SLC4A10: variants seen among roughly 807,000 people sequenced by gnomAD.
SLC4A10 encodes the protein sodium-driven chloride bicarbonate exchanger.
A neutral mutation model predicts 137.7 loss-of-function variants in SLC4A10; 42 were observed. The ratio of observed to expected loss-of-function variants is 0.30; its 90% confidence interval spans 0.24 to 0.39. The LOEUF is 0.39. Among genes scored for constraint, SLC4A10 ranks in the 10% least tolerant of loss-of-function variants. The pLI, the probability that SLC4A10 is intolerant of heterozygous loss-of-function variation, is 1.00. For synonymous variants in SLC4A10, 474 were observed against 464.1 expected, an observed-to-expected ratio of 1.02 and a Z score of -0.27; for missense variants, 925 against 1,355.0, an observed-to-expected ratio of 0.68 and a Z score of 4.98.
chr2:161,935,779 C>T (rs1433199840), intron 15 of SLC4A10, among the ~76,000 whole-genome samples: 2 of 151,912 alleles, frequency 1.3e-5, no homozygotes, highest in African/African-American at 2.4e-5. Flanking sequence ...CCTTTTATTT[C>T]TTTCTTTTGC....
chr2:161,850,637 T>C (rs1430252621), intron 4 of SLC4A10, among the ~76,000 whole-genome samples: 1 of 152,082 alleles, frequency 6.6e-6, no homozygotes, highest in East Asian at 1.9e-4. Flanking sequence ...TATATCAATG[T>C]TATTTATTCT....
intron 1 of SLC4A10, among the ~76,000 whole-genome samples, chr2:161,642,534 T>C (rs2035453985): frequency 6.6e-6 from 1 of 152,044 alleles, no homozygotes; most frequent in East Asian, 1.9e-4. Context: ...AAAATGCAAT[T>C]GAAATTTAGA....
At chr2:161,870,747 A>G (rs894830971) in intron 6 of SLC4A10, among the ~76,000 whole-genome samples, 1 of 151,874 alleles carries the variant, frequency 6.6e-6, no homozygotes, top group African/African-American at 2.4e-5. Context: ...GGAGAATGAG[A>G]ATAATTTATG....
chr2:161,728,052 A>G (rs1236539729), intron 1 of SLC4A10, among the ~76,000 whole-genome samples: 2 of 152,318 alleles, frequency 1.3e-5, no homozygotes, highest in East Asian at 1.9e-4. Context: ...CAAATTACCA[A>G]TATCAGGAAT....
At chr2:161,649,630 CTGTT>C (rs1035901694) in intron 1 of SLC4A10, among the ~76,000 whole-genome samples, 14 of 151,300 alleles carry the variant, frequency 9.3e-5, no homozygotes, top group Non-Finnish European at 1.3e-4. Flanking sequence ...TTTATTTTGC[CTGTT>C]TATTTGTGGA....
At chr2:161,917,117 A>G (rs1020380813) in intron 15 of SLC4A10, among the ~76,000 whole-genome samples, 2 of 152,220 alleles carry the variant, frequency 1.3e-5, no homozygotes, top group Admixed American at 1.3e-4. Context: ...AATTTTACAT[A>G]AATGGAACCA....
chr2:161,889,048 GT>G (rs1337578151), intron 10 of SLC4A10, among the ~76,000 whole-genome samples: 1 of 152,160 alleles, frequency 6.6e-6, no homozygotes, highest in African/African-American at 2.4e-5. Context: ...TAATCATGTG[GT>G]TTTTGTCATT....
chr2:161,858,152 GT>G (rs2060208664), intron 5 of SLC4A10, among the ~76,000 whole-genome samples: 1 of 152,086 alleles, frequency 6.6e-6, no homozygotes, highest in Non-Finnish European at 1.5e-5. Flanking sequence ...ACTAGTTTCA[GT>G]TTTACAAACG....
intron 1 of SLC4A10, among the ~76,000 whole-genome samples, chr2:161,739,156 A>G (rs1252338548): frequency 6.6e-6 from 1 of 152,210 alleles, no homozygotes; most frequent in Non-Finnish European, 1.5e-5. Context: ...AAACAGTAAC[A>G]TCATTATACT....
At chr2:161,928,478 T>C (rs1575685873) in intron 15 of SLC4A10, among the ~76,000 whole-genome samples, 2 of 150,940 alleles carry the variant, frequency 1.3e-5, no homozygotes, top group East Asian at 3.9e-4. Flanking sequence ...CATATGTAAC[T>C]AACCTGCACA....
intron 1 of SLC4A10, among the ~76,000 whole-genome samples, chr2:161,652,514 C>G (rs1247510568): frequency 6.6e-6 from 1 of 152,160 alleles, no homozygotes; most frequent in Non-Finnish European, 1.5e-5. Flanking sequence ...ATATTGACCT[C>G]TTTGAAAATA....
chr2:161,753,659 T>A (rs954898640), intron 1 of SLC4A10, among the ~76,000 whole-genome samples: 4 of 152,206 alleles, frequency 2.6e-5, no homozygotes, highest in African/African-American at 9.6e-5. Flanking sequence ...AATCTTAACG[T>A]TTGATGAAAG....
chr2:161,912,853 T>C (rs1043678189), intron 15 of SLC4A10, among the ~76,000 whole-genome samples: 2 of 152,152 alleles, frequency 1.3e-5, no homozygotes, highest in Non-Finnish European at 2.9e-5. Context: ...TATAAGAATC[T>C]AGAAAGTGAA....
intron 1 of SLC4A10, among the ~76,000 whole-genome samples, chr2:161,750,130 C>T (rs1042806874): frequency 4.0e-5 from 6 of 150,888 alleles, no homozygotes; most frequent in African/African-American, 1.5e-4. Context: ...TTATTTGAGT[C>T]TTCTCTCTTT....
At chr2:161,856,893 C>T (rs1476454855) in intron 5 of SLC4A10, among the ~76,000 whole-genome samples, 4 of 152,094 alleles carry the variant, frequency 2.6e-5, no homozygotes, top group Admixed American at 6.6e-5. Context: ...CCGCTTAAAT[C>T]GATGATGGCG....
intron 1 of SLC4A10, among the ~76,000 whole-genome samples, chr2:161,639,878 G>A (rs756711123): frequency 2.0e-5 from 3 of 152,034 alleles, no homozygotes; most frequent in East Asian, 1.9e-4. Context: ...AAAACCCTAC[G>A]CACTTCACCA....
intron 10 of SLC4A10, among the ~76,000 whole-genome samples, chr2:161,890,719 A>G (rs969609642): frequency 5.9e-5 from 9 of 152,082 alleles, no homozygotes; most frequent in African/African-American, 1.9e-4. Context: ...AATACAGCAC[A>G]CCAATGGGTC....
chr2:161,843,204 T>A (rs2059291340), intron 4 of SLC4A10, among the ~76,000 whole-genome samples: 1 of 152,164 alleles, frequency 6.6e-6, no homozygotes, highest in South Asian at 2.1e-4. Context: ...TAATTTCTTG[T>A]AACTTGCCCA....
intron 18 of SLC4A10, 89 bp downstream of exon 18, chr2:161,949,350 T>A: frequency 5.0e-6 from 4 of 804,472 alleles, no homozygotes; most frequent in Non-Finnish European, 7.9e-6. Context: ...AGGATTTTCA[T>A]GAAAATATGA....
Sources: gnomAD v4.1 joint callset for allele counts (sites outside exome capture counted in the v4.1 genomes callset) on GRCh38, gnomAD v4.1.1 for gene constraint, MANE v1.5 for transcripts, NCBI Gene and HGNC (gene_info 2026-07-23, HGNC 2026-07-21) for gene names.